AHCTF1: variants seen among roughly 807,000 people sequenced by gnomAD.
AHCTF1 encodes the protein protein ELYS.
AHCTF1 carries 24 observed loss-of-function variants against 248.4 expected under a neutral mutation model. The observed-to-expected ratio is 0.10, with a 90% CI of 0.07 to 0.14. The LOEUF (loss-of-function observed/expected upper bound fraction) is 0.14. Among genes scored for constraint, AHCTF1 ranks in the 10% least tolerant of loss-of-function variants. The pLI is 1.00. For missense variants in AHCTF1, 2,206 were observed against 2,636.2 expected (o/e 0.84, Z 3.57); for synonymous variants, 786 against 929.8 (o/e 0.85, Z 2.81).
At chr1:246,928,867 C>T (rs1667131218) in intron 1 of AHCTF1, among the ~76,000 whole-genome samples, 1 of 152,138 alleles carries the variant, frequency 6.6e-6, no homozygotes, top group Admixed American at 6.6e-5. Context: ...AAACTTCAAG[C>T]CTTTCAGAAA....
At chr1:246,915,267 T>G (rs1463776978) in intron 3 of AHCTF1, among the ~76,000 whole-genome samples, 1 of 152,264 alleles carries the variant, frequency 6.6e-6, no homozygotes, top group East Asian at 1.9e-4. Context: ...GACACAGAGG[T>G]TGCAGTGAGC....
At chr1:246,931,097 A>G (rs1667320935) in intron 1 of AHCTF1, 2 of 1,547,086 alleles carry the variant, frequency 1.3e-6, no homozygotes, top group Non-Finnish European at 1.7e-6. Context: ...CTGAGCCCCG[A>G]GTCCAACTTC....
At chr1:246,919,087 C>A (rs1448747464) in intron 1 of AHCTF1, among the ~76,000 whole-genome samples, 1 of 152,052 alleles carries the variant, frequency 6.6e-6, no homozygotes, top group Non-Finnish European at 1.5e-5. Context: ...TATAAACAAC[C>A]AAAAATACTA....
At chr1:246,842,839 C>G in intron 34 of AHCTF1, 63 bp from the exon 35 acceptor site, 1 of 1,427,454 alleles carries the variant, frequency 7.0e-7, no homozygotes, top group Non-Finnish European at 9.8e-7. Context: ...AAACTTCTAT[C>G]CTGAGACAAG....
At chr1:246,904,150 C>T (rs531489828) in intron 6 of AHCTF1, 117 bp from the exon 7 acceptor site, 2 of 762,146 alleles carry the variant, frequency 2.6e-6, no homozygotes, top group East Asian at 5.4e-5. Context: ...ACTAAAATCA[C>T]TGTGAAAAAT....
At chr1:246,904,087 C>A (rs1665212456) in intron 6 of AHCTF1, 54 bp from the exon 7 acceptor site, 3 of 1,450,054 alleles carry the variant, frequency 2.1e-6, no homozygotes, top group Non-Finnish European at 2.9e-6. Context: ...TTAAACATCT[C>A]TTACTGTCCA....
At chr1:246,860,848 T>C in intron 29 of AHCTF1, 51 bp downstream of exon 29, 1 of 1,568,204 alleles carries the variant, frequency 6.4e-7, no homozygotes, top group East Asian at 2.3e-5. Flanking sequence ...ATTATAAACT[T>C]TATTGAGGGA....
intron 4 of AHCTF1, 126 bp downstream of exon 4, chr1:246,913,106 T>C (rs1455206192): frequency 1.3e-6 from 1 of 770,984 alleles, no homozygotes; most frequent in African/African-American, 1.8e-5. Flanking sequence ...CCTTTTTTTT[T>C]TTTATAGATA....
chr1:246,885,764 A>C lies in AHCTF1; in HGVS notation c.2473-84T>G, dbSNP rs1310073474. ...AGGTAAACCTAACACTAAAAACCAC[A>C]AAAATCCAGATAAGACTCGTTTAAA... On this transcript the variant is annotated intron_variant, in intron 20 of 35. Coordinates refer to ENST00000648844, the MANE Select transcript of AHCTF1 (RefSeq NM_001323342.2). 1.0e-5 allele frequency: 13 copies of C among 1,250,592 alleles called. No individual in the cohort carries two copies. The East Asian group carries it at 3.3e-4, about 32-fold the overall frequency. 77.5% of individuals were successfully genotyped at this position (1,250,592 alleles called of 1,614,324 possible).
intron 1 of AHCTF1, 158 bp downstream of exon 1, chr1:246,931,420 C>G: frequency 6.9e-7 from 1 of 1,447,844 alleles, no homozygotes; most frequent in South Asian, 1.4e-5. Flanking sequence ...CCCCCTCGAG[C>G]CCCATCCGTT....
chr1:246,869,645 G>C (rs1032966210), intron 24 of AHCTF1, among the ~76,000 whole-genome samples: 4 of 151,782 alleles, frequency 2.6e-5, no homozygotes, highest in African/African-American at 9.7e-5. Context: ...AAAAAGCCTA[G>C]ATGAAAACAC....
At chr1:246,869,794 G>A (rs1572394043) in intron 24 of AHCTF1, among the ~76,000 whole-genome samples, 2 of 152,226 alleles carry the variant, frequency 1.3e-5, no homozygotes, top group African/African-American at 2.4e-5. Context: ...TGTACAGGGA[G>A]ACGAATGCTG....
intron 34 of AHCTF1, 39 bp from the exon 35 acceptor site, chr1:246,842,815 C>G: frequency 6.5e-7 from 1 of 1,543,616 alleles, no homozygotes; most frequent in Non-Finnish European, 8.9e-7. Context: ...GTATTAAACA[C>G]GAATCCAATT....
At chr1:246,930,607 C>A (rs1356889290) in intron 1 of AHCTF1, among the ~76,000 whole-genome samples, 2 of 149,202 alleles carry the variant, frequency 1.3e-5, no homozygotes, top group Admixed American at 6.7e-5. Flanking sequence ...AAGGGGGGGT[C>A]TCGCCATGTT....
chr1:246,864,303 G>T (rs923355268), intron 26 of AHCTF1, 187 bp from the exon 27 acceptor site: 1 of 603,928 alleles, frequency 1.7e-6, no homozygotes, highest in Non-Finnish European at 2.8e-6. Context: ...TCGCAAAACA[G>T]AATTAAGAAC....
In AHCTF1 at chr1:246,903,240, G is replaced by A. The variant is rs1665130286; in HGVS notation, c.967-565C>T. Among the ~76,000 whole-genome samples, 5 of 152,148 alleles carry A rather than the reference G, an allele frequency of 3.3e-5. No homozygotes were observed. In the South Asian group the frequency reaches 8.3e-4, roughly 25 times the overall value. On this transcript the variant is annotated intron_variant, in intron 7 of 35. Transcript: ENST00000648844. ...ATACAGCTATTAGCAGCACCCCTCC[G>A]ATCTCCTCAGGAATTCAGCCAGATA...
chr1:246,883,202 C>A (rs1474889773), intron 21 of AHCTF1, among the ~76,000 whole-genome samples: 1 of 152,152 alleles, frequency 6.6e-6, no homozygotes, highest in Non-Finnish European at 1.5e-5. Context: ...ACTTTTTCAG[C>A]CATTTCAACT....
At chr1:246,931,428 GTTGGCCCCGCGCACGCCCGGCC>G (rs1667351480) in intron 1 of AHCTF1, 128 bp downstream of exon 1, 3 of 1,415,612 alleles carry the variant, frequency 2.1e-6, no homozygotes, top group African/African-American at 3.0e-5. Flanking sequence ...AGCCCCATCC[GTTGGCCCCGCGCACGCCCGGCC>G]TAGGCCCGGC....
At chr1:246,931,034 T>G in intron 1 of AHCTF1, 1 of 1,463,034 alleles carries the variant, frequency 6.8e-7, no homozygotes, top group South Asian at 1.4e-5. Context: ...CAAGATGTGC[T>G]TTTATTTTAA....
Sources: gnomAD v4.1 joint callset for allele counts (sites outside exome capture counted in the v4.1 genomes callset) on GRCh38, gnomAD v4.1.1 for gene constraint, MANE v1.5 for transcripts, NCBI Gene and HGNC (gene_info 2026-07-23, HGNC 2026-07-21) for gene names.